EYA2: variants seen among roughly 807,000 people sequenced by gnomAD.
EYA2 encodes the protein protein phosphatase EYA2.
In EYA2, 31 loss-of-function variants were observed where a neutral mutation model predicts 69.2. The ratio of observed to expected loss-of-function variants is 0.45; its 90% CI spans 0.34 to 0.60. EYA2 has a LOEUF of 0.60. Among genes scored for constraint, EYA2 ranks in the 20% least tolerant of loss-of-function variants. The pLI is 0.02. For synonymous variants in EYA2, 257 were observed against 279.4 expected, an observed-to-expected ratio of 0.92 and a Z score of 0.80; for missense variants, 622 against 701.2, an observed-to-expected ratio of 0.89 and a Z score of 1.28.
chr20:47,172,785 C>T lies in EYA2; in HGVS notation c.1116C>T (p.Gly372=), dbSNP rs148023070. 190 of 1,614,084 alleles carry T rather than the reference C, an allele frequency of 1.2e-4. No individual in the cohort carries two copies. The African/African-American group carries it at 2.0e-3, about 17-fold the overall frequency. ...ANLCLGSGVH[G]GVDWMRKLAF... The stretch of plus-strand genomic sequence containing the variant: ...TGTGCCTGGGCTCTGGCGTGCACGG[C>T]GGCGTGGACTGGATGAGGAAGCTGG... The change falls in exon 12 of 16, where the codon GGC becomes GGT. Residue 372 remains glycine, a synonymous_variant. Transcript: ENST00000327619.
intron 1 of EYA2, among the ~76,000 whole-genome samples, chr20:46,896,693 CCTT>C (rs1249427196): frequency 2.6e-5 from 4 of 152,198 alleles, no homozygotes; most frequent in Non-Finnish European, 5.9e-5. Context: ...AAAAAAATCT[CCTT>C]GCCTTCGTAG....
At chr20:47,081,327 G>GT (rs1450204194) in intron 7 of EYA2, among the ~76,000 whole-genome samples, 2 of 150,288 alleles carry the variant, frequency 1.3e-5, no homozygotes, top group Non-Finnish European at 3.0e-5. Context: ...AGTGTTTTTA[G>GT]TAAAAAAAAA....
At chr20:46,953,283 G>C (rs1467041698) in intron 1 of EYA2, among the ~76,000 whole-genome samples, 1 of 152,144 alleles carries the variant, frequency 6.6e-6, no homozygotes, top group Non-Finnish European at 1.5e-5. Context: ...CTGAGGGCTT[G>C]AGAACTCCGC....
At chr20:47,139,537 A>G (rs1046456353) in intron 9 of EYA2, among the ~76,000 whole-genome samples, 2 of 150,278 alleles carry the variant, frequency 1.3e-5, no homozygotes, top group Non-Finnish European at 2.9e-5. Context: ...GGTTCAAGCA[A>G]TTCTGCCTCA....
At chr20:47,055,272 G>A (rs1206892831) in intron 5 of EYA2, among the ~76,000 whole-genome samples, 1 of 152,212 alleles carries the variant, frequency 6.6e-6, no homozygotes, top group Non-Finnish European at 1.5e-5. Flanking sequence ...TCTCTGACGT[G>A]TATAACTTGT....
At chr20:47,137,734 A>G (rs947667024) in intron 9 of EYA2, among the ~76,000 whole-genome samples, 5 of 152,090 alleles carry the variant, frequency 3.3e-5, no homozygotes, top group African/African-American at 1.2e-4. Flanking sequence ...GTCACCACCA[A>G]ATTTTTTTTT....
intron 1 of EYA2, among the ~76,000 whole-genome samples, chr20:46,905,937 G>A (rs1568660829): frequency 6.6e-6 from 1 of 152,124 alleles, no homozygotes; most frequent in South Asian, 2.1e-4. Flanking sequence ...ATTCCTTACT[G>A]TTCTTCAGGT....
At chr20:47,129,461 A>G (rs2033280398) in intron 9 of EYA2, among the ~76,000 whole-genome samples, 1 of 152,214 alleles carries the variant, frequency 6.6e-6, no homozygotes, top group Admixed American at 6.5e-5. Flanking sequence ...GAGGAACAGC[A>G]TGTGCAAAGG....
intron 2 of EYA2, among the ~76,000 whole-genome samples, chr20:46,991,495 C>T (rs1001502657): frequency 6.6e-6 from 1 of 152,236 alleles, no homozygotes; most frequent in African/African-American, 2.4e-5. Flanking sequence ...TCCATTGTCA[C>T]TCTCCTCTGA....
At chr20:46,922,408 C>T (rs1985219655) in intron 1 of EYA2, among the ~76,000 whole-genome samples, 1 of 152,214 alleles carries the variant, frequency 6.6e-6, no homozygotes, top group South Asian at 2.1e-4. Flanking sequence ...ACTGTGTATA[C>T]TCTACTGTAC....
chr20:47,126,040 C>G (rs2033182382), intron 9 of EYA2, among the ~76,000 whole-genome samples: 1 of 152,184 alleles, frequency 6.6e-6, no homozygotes, highest in African/African-American at 2.4e-5. Flanking sequence ...TGAGACATCT[C>G]CAGAGAGGGC....
chr20:46,967,773 A>G (rs909421176), intron 1 of EYA2, among the ~76,000 whole-genome samples: 11 of 152,202 alleles, frequency 7.2e-5, no homozygotes, highest in Non-Finnish European at 8.8e-5. Flanking sequence ...TGCACTCACA[A>G]TGACAATTGG....
At chr20:46,945,128 A>AT (rs1978376336) in intron 1 of EYA2, among the ~76,000 whole-genome samples, 1 of 151,652 alleles carries the variant, frequency 6.6e-6, no homozygotes, top group Non-Finnish European at 1.5e-5. Context: ...AAAAAAAAAA[A>AT]GGTTGCAGTT....
At chr20:47,175,615 CT>C (rs1334490092) in intron 12 of EYA2, among the ~76,000 whole-genome samples, 1 of 152,186 alleles carries the variant, frequency 6.6e-6, no homozygotes, top group Non-Finnish European at 1.5e-5. Context: ...TTAAGTGGCA[CT>C]TTTGTTATCT....
At chr20:46,923,864 A>T (rs1985290497) in intron 1 of EYA2, among the ~76,000 whole-genome samples, 1 of 152,228 alleles carries the variant, frequency 6.6e-6, no homozygotes, top group South Asian at 2.1e-4. Flanking sequence ...GTATTTCTCA[A>T]AACATGGAAC....
intron 5 of EYA2, among the ~76,000 whole-genome samples, chr20:47,018,858 G>A (rs1446212066): frequency 6.6e-6 from 1 of 152,182 alleles, no homozygotes; most frequent in Non-Finnish European, 1.5e-5. Context: ...CTGGGATTCA[G>A]ACTCCAGTTT....
chr20:47,140,788 G>A (rs560161983), intron 9 of EYA2, among the ~76,000 whole-genome samples: 23 of 152,240 alleles, frequency 1.5e-4, no homozygotes, highest in African/African-American at 5.3e-4. Context: ...AAAGAAAAGG[G>A]GTTTATTTGA....
chr20:47,164,902 C>T (rs750234702), intron 10 of EYA2, among the ~76,000 whole-genome samples: 1 of 152,180 alleles, frequency 6.6e-6, no homozygotes, highest in South Asian at 2.1e-4. Flanking sequence ...AGATATGTCT[C>T]CAGGCCAGTT....
intron 1 of EYA2, among the ~76,000 whole-genome samples, chr20:46,928,644 G>A (rs1266888448): frequency 6.6e-6 from 1 of 152,236 alleles, no homozygotes; most frequent in Non-Finnish European, 1.5e-5. Context: ...CCCTCCGGGA[G>A]CTGTTGCAAA....
Sources: gnomAD v4.1 joint callset for allele counts (sites outside exome capture counted in the v4.1 genomes callset) on GRCh38, gnomAD v4.1.1 for gene constraint, MANE v1.5 for transcripts, NCBI Gene and HGNC (gene_info 2026-07-23, HGNC 2026-07-21) for gene names.